The following CNDP2 variants were observed in gnomAD, a reference collection of about 807,000 sequenced individuals.
The protein encoded by CNDP2 is carnosine dipeptidase 2.
CNDP2 carries 38 observed loss-of-function variants against 55.0 expected under a neutral mutation model. That is an observed-to-expected ratio of 0.69 (90% CI 0.53 to 0.90). CNDP2 has a LOEUF of 0.90. Ranked by LOEUF, CNDP2 falls within the 40% of genes least tolerant of loss-of-function variation. The pLI is 0.00. For missense variants in CNDP2, 607 were observed against 621.7 expected, an observed-to-expected ratio of 0.98 and a Z score of 0.25; for synonymous variants, 241 against 260.2, an observed-to-expected ratio of 0.93 and a Z score of 0.71.
At chr18:74,513,965 C>T (rs1979502114) in intron 8 of CNDP2, 3 of 446,804 alleles carry the variant, frequency 6.7e-6, no homozygotes, top group Non-Finnish European at 1.2e-5. Context: ...TGGGCTGGCT[C>T]CTGCTGGCAG....
In CNDP2 at chr18:74,499,949, C is replaced by A. The variant is rs191869036; in HGVS notation, c.-25C>A. ...TCTTCCTTCCAAGAACCTTCGAGAT[C>A]TGCGGTCTGGGGTCTGGTTGAAAGA... On this transcript the variant is annotated 5_prime_UTR_variant, in exon 2 of 12. It adds an upstream start codon to the 5' untranslated region. Coordinates refer to ENST00000324262, the MANE Select transcript of CNDP2 (RefSeq NM_018235.3). 19 of 1,612,606 alleles carry A rather than the reference C, an allele frequency of 1.2e-5. No homozygotes were observed. Among genetic ancestry groups the A allele is most frequent in the Non-Finnish European group, 3.4e-6 (4 of 1,178,894 alleles).
intron 4 of CNDP2, chr18:74,506,973 C>T (rs1182157229): frequency 6.6e-6 from 1 of 152,324 alleles, no homozygotes; most frequent in Admixed American, 6.5e-5. Context: ...GCCCTTCCAA[C>T]TGGATCATTG....
chr18:74,500,667 T>C (rs1978640107), intron 2 of CNDP2, among the ~76,000 whole-genome samples: 1 of 152,230 alleles, frequency 6.6e-6, no homozygotes, highest in South Asian at 2.1e-4. Flanking sequence ...GGGTTAGTAC[T>C]GTAGCAGGAC....
rs151114542 is a variant in CNDP2, at chr18:74,501,631, G to A, written c.204+159G>A. Among the ~76,000 whole-genome samples the A allele has an allele frequency of 1.3e-4, 20 of 152,264 alleles. No homozygotes were observed. In the East Asian group the frequency reaches 2.7e-3, roughly 21 times the overall value. ...CTGATTTGGATGGTAAGTTCTGTACGTGACTGCTTCAGTTGGATTGGGGCA... is the reference window on the plus strand; with the variant it reads ...CTGATTTGGATGGTAAGTTCTGTACATGACTGCTTCAGTTGGATTGGGGCA... On this transcript the variant is annotated intron_variant, in intron 3 of 11. Transcript: ENST00000324262.
chr18:74,512,551 T>C lies in CNDP2; in HGVS notation c.742+19T>C. ...CTGATGGGTAAGTGCGGGATGGCAT[T>C]CAGTCCGCAGTTGAGGGGAAGTGGA... On this transcript the variant is annotated intron_variant, in intron 7 of 11. Coordinates refer to ENST00000324262, the MANE Select transcript of CNDP2 (RefSeq NM_018235.3). The C allele has an allele frequency of 6.2e-7, 1 of 1,608,228 alleles. No homozygotes were observed. The highest frequency in any genetic ancestry group is 1.1e-5 in the South Asian group (1 of 90,852).
intron 1 of CNDP2, among the ~76,000 whole-genome samples, chr18:74,499,057 C>G (rs1401040743): frequency 6.6e-6 from 1 of 152,174 alleles, no homozygotes; most frequent in African/African-American, 2.4e-5. Context: ...TGCAGCATGT[C>G]AATGCACAGG....
chr18:74,513,476 C>A, intron 7 of CNDP2, 83 bp from the exon 8 acceptor site: 1 of 1,410,884 alleles, frequency 7.1e-7, no homozygotes. Flanking sequence ...CTGAGCCTGG[C>A]TTCCTGGGGT....
chr18:74,498,376 T>C (rs959941406), intron 1 of CNDP2, among the ~76,000 whole-genome samples: 1 of 152,132 alleles, frequency 6.6e-6, no homozygotes, highest in Admixed American at 6.5e-5. Flanking sequence ...TCTAAACATA[T>C]CTAGACAGAA....
chr18:74,516,897 T>C (rs951889563), intron 9 of CNDP2: 2 of 156,186 alleles, frequency 1.3e-5, no homozygotes, highest in Non-Finnish European at 2.8e-5. Context: ...CTATCCTGGG[T>C]CTGGATGCAG....
intron 10 of CNDP2, 136 bp from the exon 11 acceptor site, chr18:74,518,813 G>A (rs560543082): frequency 1.9e-5 from 27 of 1,448,054 alleles, no homozygotes; most frequent in Admixed American, 1.1e-4. Flanking sequence ...GACCCCTGGC[G>A]GACCTTGAAC....
intron 1 of CNDP2, among the ~76,000 whole-genome samples, chr18:74,499,123 G>A: frequency 6.6e-6 from 1 of 152,208 alleles, no homozygotes; most frequent in Non-Finnish European, 1.5e-5. Context: ...CTCCACAGCT[G>A]TGACTCTGAG....
Position 74,510,671 on chromosome 18 carries a change from G to A in CNDP2, c.457-142G>A. The A allele has an allele frequency of 4.2e-6, 3 of 711,252 alleles. No homozygotes were observed. In the South Asian group the frequency reaches 5.6e-5, roughly 13 times the overall value. The allele number at this position is 711,252 out of a possible 1,614,324, so 44.1% of individuals were successfully genotyped here. ...ACAGCGGCCTGGCAGTACCTGGGGA[G>A]GGGGTGATGACAGGTGCACACGGAG... On this transcript the variant is annotated intron_variant, in intron 5 of 11. Transcript: ENST00000324262.
At chr18:74,508,952 G>GC (rs774463610) in intron 5 of CNDP2, 24 bp downstream of exon 5, 257 of 1,599,218 alleles carry the variant, frequency 1.6e-4, no homozygotes, top group Non-Finnish European at 2.0e-4. Flanking sequence ...GCTGACTTCT[G>GC]CCTGAGTCCT....
At chr18:74,513,403 C>CGTTTGT (rs1444745590) in intron 7 of CNDP2, among the ~76,000 whole-genome samples, 156 bp from the exon 8 acceptor site, 3 of 152,032 alleles carry the variant, frequency 2.0e-5, no homozygotes, top group Non-Finnish European at 2.9e-5. Flanking sequence ...ATTCTGTGGA[C>CGTTTGT]GCTTGTGGCT....
intron 3 of CNDP2, among the ~76,000 whole-genome samples, chr18:74,502,293 C>T (rs1331168671): frequency 6.6e-6 from 1 of 152,174 alleles, no homozygotes; most frequent in East Asian, 1.9e-4. Context: ...ACAGTAAGTA[C>T]TCACGTCATC....
rs1375452796 is a variant in CNDP2, at chr18:74,518,238, G to T, written c.1069-261G>T. 3.1e-5 allele frequency: 9 copies of T among 286,762 alleles called. No individual in the cohort carries two copies. The East Asian group carries it at 6.5e-4, about 21-fold the overall frequency. 17.8% of individuals were successfully genotyped at this position (286,762 alleles called of 1,614,324 possible). A position where few individuals can be genotyped will look rare whatever the true frequency, so the allele number is the denominator to read the frequency against. ...GATCACGCCACTGTGCTCCAGCCTG[G>T]ACAACAGAGCGAGACTCCATCTCAG... On this transcript the variant is annotated intron_variant, in intron 9 of 11. Coordinates refer to ENST00000324262, the MANE Select transcript of CNDP2 (RefSeq NM_018235.3).
At chr18:74,505,691 A>G (rs974084980) in intron 3 of CNDP2, among the ~76,000 whole-genome samples, 158 bp from the exon 4 acceptor site, 2 of 152,222 alleles carry the variant, frequency 1.3e-5, no homozygotes, top group Non-Finnish European at 2.9e-5. Flanking sequence ...GTAAATCTTA[A>G]TTAGTGACTC....
chr18:74,516,369 AC>A lies in CNDP2; in HGVS notation c.1046del (p.Thr349IlefsTer13). 6.2e-7 allele frequency: 1 copy of A among 1,611,558 alleles called. No homozygotes were observed. Among genetic ancestry groups the A allele is most frequent in the Non-Finnish European group, 8.5e-7 (1 of 1,178,702 alleles). On this transcript the variant is annotated frameshift_variant, in exon 9 of 12. Transcript: ENST00000324262. LOFTEE classifies it high-confidence loss of function. ...KFSIRLVPNM[T>X]PEVVGEQVTS... ...CTCCATCAGGCTCGTGCCGAACATG[AC>A]TCCTGAAGTCGTCGGCGAGCAGGCA...
intron 2 of CNDP2, among the ~76,000 whole-genome samples, chr18:74,500,640 C>T (rs1193545113): frequency 2.0e-5 from 3 of 152,142 alleles, no homozygotes; most frequent in Non-Finnish European, 4.4e-5. Context: ...TTCTTTTGTA[C>T]TCTAGTTCTT....
Sources: allele counts gnomAD v4.1 joint callset (sites outside exome capture counted in the v4.1 genomes callset), GRCh38; gene constraint gnomAD v4.1.1; transcripts MANE v1.5; gene names NCBI Gene and HGNC (gene_info 2026-07-23, HGNC 2026-07-21).